The following ST18 variants were observed in gnomAD, a reference collection of about 807,000 sequenced individuals.
ST18 encodes the protein suppression of tumorigenicity 18 protein.
Under a neutral mutation model 110.0 loss-of-function variants are expected in ST18, and 50 were observed. The observed-to-expected ratio is 0.45, with a 90% CI of 0.36 to 0.58. ST18 has a LOEUF of 0.58. Among genes scored for constraint, ST18 ranks in the 20% least tolerant of loss-of-function variants. ST18 has a pLI of 0.00. For missense variants in ST18, 1,306 were observed against 1,280.1 expected, an observed-to-expected ratio of 1.02 and a Z score of -0.31; for synonymous variants, 461 against 452.4, an observed-to-expected ratio of 1.02 and a Z score of -0.24.
chr8:52,160,737 A>G (rs989684320), intron 14 of ST18, among the ~76,000 whole-genome samples: 1 of 152,234 alleles, frequency 6.6e-6, no homozygotes, highest in African/African-American at 2.4e-5. Context: ...TTCATACACT[A>G]TACCATATTT....
chr8:52,207,615 T>A (rs2080561262), intron 8 of ST18, among the ~76,000 whole-genome samples: 1 of 152,188 alleles, frequency 6.6e-6, no homozygotes, highest in South Asian at 2.1e-4. Context: ...AAGTAAGAAA[T>A]TATGTAAAAT....
chr8:52,207,352 T>C (rs2080464838), intron 8 of ST18, among the ~76,000 whole-genome samples: 1 of 151,962 alleles, frequency 6.6e-6, no homozygotes, highest in Admixed American at 6.6e-5. Context: ...ATTAGCTGAG[T>C]GTGGTGGCGC....
At chr8:52,382,056 G>A (rs746546158) in intron 2 of ST18, among the ~76,000 whole-genome samples, 1 of 151,678 alleles carries the variant, frequency 6.6e-6, no homozygotes, top group Non-Finnish European at 1.5e-5. Flanking sequence ...ATGTTTCCTA[G>A]GGCATGTGAT....
chr8:52,213,400 C>T (rs1004990574), intron 7 of ST18, among the ~76,000 whole-genome samples: 8 of 138,528 alleles, frequency 5.8e-5, no homozygotes, highest in Admixed American at 3.8e-4. Context: ...TCCTAAAGGG[C>T]TGCAGGGTCA....
At chr8:52,202,582 A>G (rs1387289739) in intron 8 of ST18, among the ~76,000 whole-genome samples, 1 of 152,228 alleles carries the variant, frequency 6.6e-6, no homozygotes, top group East Asian at 1.9e-4. Flanking sequence ...ACAGACAAGT[A>G]AAGAAGTGCT....
chr8:52,183,099 C>A (rs2070517842), intron 8 of ST18, among the ~76,000 whole-genome samples: 1 of 152,134 alleles, frequency 6.6e-6, no homozygotes, highest in Admixed American at 6.5e-5. Context: ...CACGTCCTCT[C>A]CTCCATTTTA....
chr8:52,317,544 A>G (rs1423958997), intron 2 of ST18, among the ~76,000 whole-genome samples: 1 of 152,232 alleles, frequency 6.6e-6, no homozygotes, highest in Non-Finnish European at 1.5e-5. Context: ...GTAATTTGTT[A>G]AATCAGCCCT....
intron 2 of ST18, among the ~76,000 whole-genome samples, chr8:52,268,445 C>G (rs1485048595): frequency 6.6e-6 from 1 of 151,918 alleles, no homozygotes; most frequent in Non-Finnish European, 1.5e-5. Context: ...TTCTGTCTAT[C>G]TATCTATCGT....
At chr8:52,297,103 T>G (rs1341227795) in intron 2 of ST18, among the ~76,000 whole-genome samples, 1 of 152,238 alleles carries the variant, frequency 6.6e-6, no homozygotes, top group East Asian at 1.9e-4. Flanking sequence ...AATCTGTGTG[T>G]AGTGCAGAAA....
chr8:52,264,652 C>T (rs1589429878), intron 2 of ST18, among the ~76,000 whole-genome samples: 2 of 152,222 alleles, frequency 1.3e-5, no homozygotes, highest in East Asian at 1.9e-4. Context: ...GAACAAGAGT[C>T]CTGATAAATA....
At chr8:52,388,616 T>C (rs1366158211) in intron 2 of ST18, among the ~76,000 whole-genome samples, 1 of 151,862 alleles carries the variant, frequency 6.6e-6, no homozygotes, top group Non-Finnish European at 1.5e-5. Context: ...CGGCGCACGA[T>C]GGCGTAACGG....
intron 2 of ST18, among the ~76,000 whole-genome samples, chr8:52,326,907 A>G (rs776738943): frequency 1.3e-5 from 2 of 152,154 alleles, no homozygotes; most frequent in Non-Finnish European, 2.9e-5. Context: ...GACAGCCTGC[A>G]AAGAGTCCAC....
chr8:52,217,998 G>A (rs180731679), intron 5 of ST18, 97 bp from the exon 6 acceptor site: 2 of 152,182 alleles, frequency 1.3e-5, no homozygotes, highest in African/African-American at 4.8e-5. Flanking sequence ...GACATGTGGG[G>A]AGGTTTTATT....
chr8:52,377,552 A>T (rs1832890316), intron 2 of ST18, among the ~76,000 whole-genome samples: 1 of 152,226 alleles, frequency 6.6e-6, no homozygotes. Flanking sequence ...CTACAATGAA[A>T]TGTGAACTCA....
At chr8:52,331,252 A>G (rs1198067716) in intron 2 of ST18, among the ~76,000 whole-genome samples, 1 of 152,120 alleles carries the variant, frequency 6.6e-6, no homozygotes. Flanking sequence ...ATAGATGTAA[A>G]CAAATATGTG....
At chr8:52,381,951 G>T (rs571165763) in intron 2 of ST18, among the ~76,000 whole-genome samples, 2 of 136,176 alleles carry the variant, frequency 1.5e-5, no homozygotes, top group East Asian at 4.4e-4. Flanking sequence ...TAAGCTTCAA[G>T]AGCTATATGC....
At chr8:52,137,303 A>G in intron 18 of ST18, 118 bp downstream of exon 18, 1 of 1,091,648 alleles carries the variant, frequency 9.2e-7, no homozygotes, top group East Asian at 2.6e-5. Context: ...AAAATAAACC[A>G]AAAACCCAAC....
chr8:52,221,949 C>T (rs1370956091), intron 3 of ST18, 156 bp from the exon 4 acceptor site: 2 of 151,912 alleles, frequency 1.3e-5, no homozygotes, highest in Non-Finnish European at 2.9e-5. Flanking sequence ...TGTTTTTGGC[C>T]TATTCTATTG....
intron 2 of ST18, among the ~76,000 whole-genome samples, chr8:52,387,956 A>AC (rs897641462): frequency 1.2e-4 from 11 of 89,398 alleles, no homozygotes; most frequent in South Asian, 4.3e-4. Flanking sequence ...CACCCTCCCC[A>AC]CCCCCCCGCC....
Sources: allele counts gnomAD v4.1 joint callset (sites outside exome capture counted in the v4.1 genomes callset), GRCh38; gene constraint gnomAD v4.1.1; transcripts MANE v1.5; gene names NCBI Gene and HGNC (gene_info 2026-07-23, HGNC 2026-07-21).